GAS2: variants seen among roughly 807,000 people sequenced by gnomAD.
The protein encoded by GAS2 is growth arrest-specific protein 2.
A neutral mutation model predicts 37.5 loss-of-function variants in GAS2; 20 were observed. That is an observed-to-expected ratio of 0.53 (90% confidence interval 0.37 to 0.77). The LOEUF (loss-of-function observed/expected upper bound fraction) is 0.77. Ranked by LOEUF, GAS2 falls within the 30% of genes least tolerant of loss-of-function variation. The pLI, the probability that GAS2 is intolerant of heterozygous loss-of-function variation, is 0.00. For synonymous variants in GAS2, 144 were observed against 132.2 expected (o/e 1.09, Z -0.61); for missense variants, 336 against 373.4 (o/e 0.90, Z 0.82).
At chr11:22,718,708 A>G (rs1590703194) in intron 3 of GAS2, among the ~76,000 whole-genome samples, 1 of 152,032 alleles carries the variant, frequency 6.6e-6, no homozygotes, top group Admixed American at 6.6e-5. Context: ...ATTACTCCTC[A>G]TTATGAACAC....
intron 4 of GAS2, among the ~76,000 whole-genome samples, chr11:22,729,224 G>A (rs368904318): frequency 1.4e-4 from 22 of 151,938 alleles, no homozygotes; most frequent in African/African-American, 4.6e-4. Flanking sequence ...GCTGTTCAAA[G>A]GTCTTTGCCT....
intron 7 of GAS2, among the ~76,000 whole-genome samples, chr11:22,805,425 A>G (rs1856839440): frequency 6.6e-6 from 1 of 152,226 alleles, no homozygotes; most frequent in South Asian, 2.1e-4. Flanking sequence ...AATACAATAT[A>G]TCATTCTTAA....
chr11:22,636,045 C>T (rs1858817072), intron 1 of GAS2, among the ~76,000 whole-genome samples: 1 of 152,168 alleles, frequency 6.6e-6, no homozygotes, highest in South Asian at 2.1e-4. Context: ...ACTCAGTTTT[C>T]CACCTGGCTT....
intron 5 of GAS2, among the ~76,000 whole-genome samples, chr11:22,739,567 G>T (rs1852947942): frequency 1.8e-5 from 1 of 55,226 alleles, no homozygotes; most frequent in Non-Finnish European, 3.2e-5. Context: ...AGCAAGATTC[G>T]CTCTCAAAAA....
chr11:22,730,797 T>C (rs1211347315), intron 4 of GAS2, among the ~76,000 whole-genome samples: 3 of 151,750 alleles, frequency 2.0e-5, no homozygotes, highest in Non-Finnish European at 3.0e-5. Context: ...GCTCTAGGTG[T>C]GAAAGTATTT....
chr11:22,701,807 C>T (rs1850858068), intron 3 of GAS2, among the ~76,000 whole-genome samples: 1 of 152,062 alleles, frequency 6.6e-6, no homozygotes, highest in South Asian at 2.1e-4. Context: ...CCAGCCTGGA[C>T]AATGGAGTGA....
At chr11:22,754,965 CAGG>C (rs1201496845) in intron 6 of GAS2, among the ~76,000 whole-genome samples, 1 of 152,054 alleles carries the variant, frequency 6.6e-6, no homozygotes, top group Non-Finnish European at 1.5e-5. Flanking sequence ...CCTCAAAACA[CAGG>C]AGATTATTGT....
At chr11:22,774,225 C>T (rs370446585) in intron 7 of GAS2, among the ~76,000 whole-genome samples, 1 of 152,118 alleles carries the variant, frequency 6.6e-6, no homozygotes, top group African/African-American at 2.4e-5. Flanking sequence ...AACTCCTGAC[C>T]TCAGGTGATC....
At chr11:22,676,545 C>T (rs1849437582) in intron 2 of GAS2, among the ~76,000 whole-genome samples, 1 of 152,098 alleles carries the variant, frequency 6.6e-6, no homozygotes, top group Non-Finnish European at 1.5e-5. Flanking sequence ...CCTCATTTTC[C>T]TCATCTGTAC....
At chr11:22,804,219 G>C (rs1368618363) in intron 7 of GAS2, among the ~76,000 whole-genome samples, 3 of 152,226 alleles carry the variant, frequency 2.0e-5, no homozygotes, top group South Asian at 4.1e-4. Flanking sequence ...AAAAGCAGTA[G>C]ACAAAGGACA....
At chr11:22,774,286 G>T (rs1314295775) in intron 7 of GAS2, among the ~76,000 whole-genome samples, 3 of 152,120 alleles carry the variant, frequency 2.0e-5, no homozygotes, top group East Asian at 1.9e-4. Flanking sequence ...GAGCCACTGC[G>T]CCTGGCCTTT....
chr11:22,787,782 A>G (rs1282598614), intron 7 of GAS2, among the ~76,000 whole-genome samples: 1 of 152,188 alleles, frequency 6.6e-6, no homozygotes, highest in African/African-American at 2.4e-5. Context: ...GCTTAGATTC[A>G]ATAACTACTA....
At chr11:22,654,431 C>T (rs12287733) in intron 1 of GAS2, among the ~76,000 whole-genome samples, 2,414 of 151,098 alleles carry the variant, frequency 0.016, 89 homozygotes, top group African/African-American at 0.055. Context: ...TGTTTTGCTC[C>T]ATCACCTAGG....
chr11:22,656,400 C>T (rs180878000), intron 1 of GAS2, among the ~76,000 whole-genome samples: 1 of 152,194 alleles, frequency 6.6e-6, no homozygotes, highest in East Asian at 1.9e-4. Context: ...AAAAAGATAT[C>T]TGTTGAATGA....
chr11:22,679,149 A>G (rs1849563527), intron 2 of GAS2, among the ~76,000 whole-genome samples: 1 of 152,052 alleles, frequency 6.6e-6, no homozygotes, highest in Non-Finnish European at 1.5e-5. Context: ...GATCTTATAG[A>G]AAATACTCTT....
chr11:22,747,759 C>T (rs1853490787), intron 5 of GAS2, among the ~76,000 whole-genome samples: 1 of 151,962 alleles, frequency 6.6e-6, no homozygotes, highest in Non-Finnish European at 1.5e-5. Context: ...GTAGGGTAAA[C>T]TAAGTAAAGC....
chr11:22,702,464 A>G (rs1008552020), intron 3 of GAS2: 7 of 152,226 alleles, frequency 4.6e-5, no homozygotes, highest in Non-Finnish European at 1.0e-4. Context: ...TATAGGCCCT[A>G]GCAAAATGGA....
intron 6 of GAS2, among the ~76,000 whole-genome samples, chr11:22,750,862 A>T (rs1853688440): frequency 6.6e-6 from 1 of 151,592 alleles, no homozygotes; most frequent in African/African-American, 2.4e-5. Context: ...ATTTTTTTTT[A>T]AATGCCTTAT....
chr11:22,676,134 C>T (rs549303410), intron 2 of GAS2, among the ~76,000 whole-genome samples: 1 of 152,102 alleles, frequency 6.6e-6, no homozygotes, highest in East Asian at 1.9e-4. Context: ...GTAAATTGTA[C>T]CCTTCACCAA....
Sources: allele counts gnomAD v4.1 joint callset (sites outside exome capture counted in the v4.1 genomes callset), GRCh38; gene constraint gnomAD v4.1.1; transcripts MANE v1.5; gene names NCBI Gene and HGNC (gene_info 2026-07-23, HGNC 2026-07-21).